Variants in CETP observed in about 807,000 individuals in gnomAD.
CETP encodes the protein BPI fold containing family F.
A neutral mutation model predicts 66.5 loss-of-function variants in CETP; 56 were observed. That is an observed-to-expected ratio of 0.84 (90% confidence interval 0.68 to 1.05). The LOEUF is 1.05. Among genes scored for constraint, CETP ranks in the 50% least tolerant of loss-of-function variants. The pLI, the probability that CETP is intolerant of heterozygous loss-of-function variation, is 0.00. For synonymous variants in CETP, 251 were observed against 245.7 expected, an observed-to-expected ratio of 1.02 and a Z score of -0.20; for missense variants, 612 against 609.6, an observed-to-expected ratio of 1.00 and a Z score of -0.04.
At position 56,969,632 on chromosome 16, in the gene CETP, T is replaced by C; in HGVS notation, c.390T>C (p.Ile130=). ...TAWWLGIDQS[I]DFEIDSAIDL... ...CCAGGCTGGGTATTGATCAGTCCAT[T>C]GACTTCGAGATCGACTCTGCCATTG... Residue 130 remains isoleucine, a synonymous_variant, in exon 4 of 16, where the codon ATT becomes ATC. Transcript: ENST00000200676. The C allele has an allele frequency of 5.6e-6, 9 of 1,614,180 alleles. No homozygotes were observed. The highest frequency in any genetic ancestry group is 7.6e-6 in the Non-Finnish European group (9 of 1,180,022).
At chr16:56,971,512 T>G (rs760810698) in intron 7 of CETP, 131 bp downstream of exon 7, 21 of 852,982 alleles carry the variant, frequency 2.5e-5, no homozygotes, top group Non-Finnish European at 4.0e-5. Context: ...GCTCTGACAC[T>G]TGATGATTAG....
Position 56,972,032 on chromosome 16 carries a change from C to G in CETP, c.699C>G (p.Ser233=), listed in dbSNP as rs371847720. The change falls in exon 8 of 16, where the codon TCC becomes TCG. Residue 233 remains serine (S), a synonymous_variant. Coordinates refer to ENST00000200676, the MANE Select transcript of CETP (RefSeq NM_000078.3). ...ATGGAGACATTGGGGTGGACATTTCCCTGACAGGTGATCCCGTCATCACAG... is the reference window on the plus strand; with the variant it reads ...ATGGAGACATTGGGGTGGACATTTCGCTGACAGGTGATCCCGTCATCACAG... ...LSDGDIGVDI[S]LTGDPVITAS... The G allele has an allele frequency of 8.7e-6, 14 of 1,614,058 alleles. No individual in the cohort carries two copies. The highest frequency in any genetic ancestry group is 1.2e-5 in the Non-Finnish European group (14 of 1,180,032).
At chr16:56,966,748 T>C (rs1428352419) in intron 2 of CETP, among the ~76,000 whole-genome samples, 7 of 150,766 alleles carry the variant, frequency 4.6e-5, no homozygotes, top group African/African-American at 7.4e-5. Context: ...CACAAGCATA[T>C]GCCACCACTC....
At chr16:56,976,847 T>C (rs1037720180) in intron 10 of CETP, among the ~76,000 whole-genome samples, 1 of 152,246 alleles carries the variant, frequency 6.6e-6, no homozygotes, top group Non-Finnish European at 1.5e-5. Flanking sequence ...TAATTCTTTT[T>C]ACAGCTGTGT....
chr16:56,967,665 A>C (rs1021309147), intron 2 of CETP, among the ~76,000 whole-genome samples: 1 of 147,382 alleles, frequency 6.8e-6, no homozygotes, highest in Non-Finnish European at 1.5e-5. Context: ...AAAAAAAAAA[A>C]AAAAAACAAT....
chr16:56,964,217 G>C (rs1162810257), intron 2 of CETP, among the ~76,000 whole-genome samples: 3 of 151,758 alleles, frequency 2.0e-5, no homozygotes, highest in Non-Finnish European at 4.4e-5. Flanking sequence ...AGTAGAGACG[G>C]GGTTTCACCA....
rs2056115968 is a variant in CETP, at chr16:56,972,150, T to C, written c.750+67T>C. 4.0e-6 allele frequency: 5 copies of C among 1,235,060 alleles called. No homozygotes were observed. The East Asian group carries it at 1.2e-4, about 29-fold the overall frequency. The allele number at this position is 1,235,060 out of a possible 1,614,324, so 76.5% of individuals were successfully genotyped here. On this transcript the variant is annotated intron_variant, in intron 8 of 15. Coordinates refer to ENST00000200676, the MANE Select transcript of CETP (RefSeq NM_000078.3). The stretch of plus-strand genomic sequence containing the variant: ...GGGGAGTTGGTCCTTTTTTGTGCTC[T>C]GACAACCCCGTCCCCCAGCTTCAAC...
rs527387260 is a variant in CETP at position 56,962,945 on chromosome 16, T to G, written c.119-65T>G. The G allele has an allele frequency of 5.6e-6, 8 of 1,428,228 alleles. No individual in the cohort carries two copies. In the East Asian group the frequency reaches 1.1e-4, roughly 20 times the overall value. 88.5% of individuals were successfully genotyped at this position (1,428,228 alleles called of 1,614,324 possible). ...GAGGCTGAGTCATGGCCAAGGCCAG[T>G]TGGGGGTGGGAGCAGGGGGCTTGGT... On this transcript the variant is annotated intron_variant, in intron 1 of 15. Transcript: ENST00000200676.
At chr16:56,968,539 C>T (rs187984330) in intron 2 of CETP, among the ~76,000 whole-genome samples, 123 of 152,222 alleles carry the variant, frequency 8.1e-4, no homozygotes, top group Middle Eastern at 3.4e-3. Context: ...GATACTCTTC[C>T]GAATCAATTT....
At chr16:56,974,762 T>A (rs2056137588) in intron 9 of CETP, among the ~76,000 whole-genome samples, 1 of 152,234 alleles carries the variant, frequency 6.6e-6, no homozygotes, top group Admixed American at 6.5e-5. Context: ...CCAAAGCCTG[T>A]ACTCTTCACC....
chr16:56,978,565 C>T (rs368935493), intron 11 of CETP, among the ~76,000 whole-genome samples: 3 of 152,038 alleles, frequency 2.0e-5, no homozygotes, highest in Non-Finnish European at 4.4e-5. Context: ...ACTGCAGCCT[C>T]GAATCCTGGG....
At chr16:56,975,760 C>T (rs1182723472) in intron 10 of CETP, among the ~76,000 whole-genome samples, 2 of 151,874 alleles carry the variant, frequency 1.3e-5, no homozygotes, top group Non-Finnish European at 2.9e-5. Flanking sequence ...ACTGCAATGA[C>T]TTCTTCAGGC....
At chr16:56,980,924 A>G (rs1038575614) in intron 11 of CETP, among the ~76,000 whole-genome samples, 3 of 152,246 alleles carry the variant, frequency 2.0e-5, no homozygotes, top group African/African-American at 7.2e-5. Context: ...TGTCTCAAAA[A>G]CAAAAAAAGA....
intron 1 of CETP, among the ~76,000 whole-genome samples, chr16:56,962,751 G>T (rs60195610): frequency 2.0e-5 from 3 of 152,130 alleles, no homozygotes; most frequent in Admixed American, 1.3e-4. Context: ...TGCTAGGATC[G>T]TGGGGTTCCC....
chr16:56,968,189 A>G (rs1417014467), intron 2 of CETP, among the ~76,000 whole-genome samples: 2 of 151,904 alleles, frequency 1.3e-5, no homozygotes, highest in East Asian at 3.9e-4. Flanking sequence ...ACGTTTTGTC[A>G]ATCTATTTTT....
chr16:56,979,789 G>A (rs1037295081), intron 11 of CETP, among the ~76,000 whole-genome samples: 3 of 152,176 alleles, frequency 2.0e-5, no homozygotes, highest in Admixed American at 1.3e-4. Context: ...TTACAGGCAT[G>A]AGCCACTGTG....
At chr16:56,975,040 G>A in intron 9 of CETP, 61 bp from the exon 10 acceptor site, 1 of 1,535,754 alleles carries the variant, frequency 6.5e-7, no homozygotes. Context: ...TCCCTGCGAA[G>A]TTTTCTTCTG....
At chr16:56,981,362 G>T in intron 12 of CETP, 137 bp downstream of exon 12, 4 of 818,774 alleles carry the variant, frequency 4.9e-6, no homozygotes. Flanking sequence ...ACTGCAGGGA[G>T]ATAAGACCCT....
At chr16:56,964,308 T>G (rs1401649916) in intron 2 of CETP, among the ~76,000 whole-genome samples, 1 of 152,224 alleles carries the variant, frequency 6.6e-6, no homozygotes, top group Non-Finnish European at 1.5e-5. Flanking sequence ...ATTGCAGGCG[T>G]GAGCCACAGC....
Sources: allele counts gnomAD v4.1 joint callset (sites outside exome capture counted in the v4.1 genomes callset), GRCh38; gene constraint gnomAD v4.1.1; transcripts MANE v1.5; gene names NCBI Gene and HGNC (gene_info 2026-07-23, HGNC 2026-07-21).